The following KCNJ6 variants were observed in gnomAD, a reference collection of about 807,000 sequenced individuals.
The protein encoded by KCNJ6 is potassium inwardly rectifying channel subfamily J member 6, also known as G protein-activated inward rectifier potassium channel 2.
In KCNJ6, 9 loss-of-function variants were observed where a neutral mutation model predicts 34.2. That is an observed-to-expected ratio of 0.26 (90% confidence interval 0.16 to 0.46). The LOEUF is 0.46. Ranked by LOEUF, KCNJ6 falls within the 20% of genes least tolerant of loss-of-function variation. The probability of loss-of-function intolerance (pLI) is 1.00; values close to 1 mark genes in which losing one functional copy is unlikely to be tolerated. For missense variants in KCNJ6, 236 were observed against 531.3 expected (o/e 0.44, Z 5.46); for synonymous variants, 196 against 207.1 (o/e 0.95, Z 0.46).
At chr21:37,633,148 G>A (rs187738753) in intron 3 of KCNJ6, among the ~76,000 whole-genome samples, 10 of 152,218 alleles carry the variant, frequency 6.6e-5, no homozygotes, top group Admixed American at 3.3e-4. Context: ...CCATGATCAA[G>A]TTGGGTTTAT....
chr21:37,856,619 G>A (rs1432840348), intron 1 of KCNJ6, among the ~76,000 whole-genome samples: 2 of 152,160 alleles, frequency 1.3e-5, no homozygotes, highest in Non-Finnish European at 2.9e-5. Context: ...TAAATGGAGA[G>A]AGAGAGAGAG....
rs185551254 is a variant in KCNJ6 at position 37,835,361 on chromosome 21, A to G, written c.25+5297T>C. Among the ~76,000 whole-genome samples, 28 of 152,184 alleles carry G rather than the reference A, an allele frequency of 1.8e-4. No homozygotes were observed. In the East Asian group the frequency reaches 4.3e-3, roughly 23 times the overall value. On this transcript the variant is annotated intron_variant, in intron 2 of 3. Coordinates refer to ENST00000609713, the MANE Select transcript of KCNJ6 (RefSeq NM_002240.5). ...GTCCACTGCCTGTTCAACTCTTGCA[A>G]CTCCAACACCATGCACAAGACCAGA... is the stretch of plus-strand genomic sequence containing the variant.
intron 3 of KCNJ6, among the ~76,000 whole-genome samples, chr21:37,655,170 T>G (rs2054451935): frequency 7.1e-6 from 1 of 141,472 alleles, no homozygotes; most frequent in Non-Finnish European, 1.5e-5. Flanking sequence ...GCCTTCACAC[T>G]CTAGACATTT....
At chr21:37,829,981 G>A (rs747230695) in intron 2 of KCNJ6, among the ~76,000 whole-genome samples, 4 of 152,210 alleles carry the variant, frequency 2.6e-5, no homozygotes, top group Non-Finnish European at 4.4e-5. Flanking sequence ...CATGTTCTGG[G>A]AGAAAATGGC....
chr21:37,646,772 G>A (rs2054406483), intron 3 of KCNJ6, among the ~76,000 whole-genome samples: 1 of 151,692 alleles, frequency 6.6e-6, no homozygotes, highest in African/African-American at 2.4e-5. Flanking sequence ...CCGGGTTCAC[G>A]GCATTCTCCT....
At chr21:37,749,396 G>A (rs565997898) in intron 2 of KCNJ6, among the ~76,000 whole-genome samples, 24 of 152,276 alleles carry the variant, frequency 1.6e-4, no homozygotes, top group Admixed American at 2.6e-4. Flanking sequence ...CACACCCTCC[G>A]CTCGTGGACA....
intron 1 of KCNJ6, among the ~76,000 whole-genome samples, chr21:37,891,992 G>T (rs1429756829): frequency 3.3e-5 from 5 of 152,168 alleles, no homozygotes; most frequent in Non-Finnish European, 7.4e-5. Flanking sequence ...AGAAGACAAA[G>T]ATTTTCATGT....
chr21:37,649,573 G>A (rs1399831566), intron 3 of KCNJ6, among the ~76,000 whole-genome samples: 5 of 152,218 alleles, frequency 3.3e-5, no homozygotes, highest in South Asian at 2.1e-4. Context: ...CGGCACCACC[G>A]CGATGTAGCC....
intron 2 of KCNJ6, among the ~76,000 whole-genome samples, chr21:37,819,275 T>G (rs904005881): frequency 6.6e-6 from 1 of 152,184 alleles, no homozygotes; most frequent in Admixed American, 6.5e-5. Flanking sequence ...TCAGATCATG[T>G]GAGACAGAAA....
chr21:37,866,818 T>A (rs2055625067), intron 1 of KCNJ6, among the ~76,000 whole-genome samples: 1 of 152,118 alleles, frequency 6.6e-6, no homozygotes, highest in African/African-American at 2.4e-5. Context: ...GAAAGGAGGA[T>A]GGGAATGATG....
intron 1 of KCNJ6, among the ~76,000 whole-genome samples, chr21:37,896,862 G>A (rs2055790936): frequency 6.6e-6 from 1 of 152,204 alleles, no homozygotes; most frequent in Admixed American, 6.5e-5. Context: ...CAAGCTGACA[G>A]TGCCTGGAGC....
At chr21:37,789,586 C>T (rs1446774086) in intron 2 of KCNJ6, among the ~76,000 whole-genome samples, 1 of 152,180 alleles carries the variant, frequency 6.6e-6, no homozygotes, top group African/African-American at 2.4e-5. Flanking sequence ...GACTAATACA[C>T]CCTCTGAGAT....
chr21:37,901,482 G>A (rs2123645577), intron 1 of KCNJ6, among the ~76,000 whole-genome samples: 1 of 152,298 alleles, frequency 6.6e-6, no homozygotes, highest in South Asian at 2.1e-4. Flanking sequence ...CTACAGACAT[G>A]TTCAAACTCA....
At chr21:37,645,014 T>G (rs1429827833) in intron 3 of KCNJ6, among the ~76,000 whole-genome samples, 4 of 101,354 alleles carry the variant, frequency 3.9e-5, no homozygotes, top group Middle Eastern at 4.9e-3. Context: ...AGAAAACAGG[T>G]GGGTTTTTTT....
Position 37,652,909 on chromosome 21 carries a change from A to T in KCNJ6, c.947-27425T>A, listed in dbSNP as rs557347150. Among the ~76,000 whole-genome samples the T allele has an allele frequency of 1.2e-4, 18 of 152,296 alleles. 1 individual carries two copies. Among genetic ancestry groups the T allele is most frequent in the Middle Eastern group, 6.8e-3 (2 of 294 alleles). ...TGTTTTCAATTTCCTGAGTAAGTCCATTTGCTGAGAGGGAATGAGTGGAGA... is the reference window on the plus strand; with the variant it reads ...TGTTTTCAATTTCCTGAGTAAGTCCTTTTGCTGAGAGGGAATGAGTGGAGA... On this transcript the variant is annotated intron_variant, in intron 3 of 3. Coordinates refer to ENST00000609713, the MANE Select transcript of KCNJ6 (RefSeq NM_002240.5).
chr21:37,743,814 C>A (rs1386443904), intron 2 of KCNJ6, among the ~76,000 whole-genome samples: 1 of 151,962 alleles, frequency 6.6e-6, no homozygotes, highest in Non-Finnish European at 1.5e-5. Context: ...CACCTACTTT[C>A]CATGGGGAAA....
chr21:37,652,025 A>G (rs2054436119), intron 3 of KCNJ6, among the ~76,000 whole-genome samples: 1 of 152,210 alleles, frequency 6.6e-6, no homozygotes, highest in South Asian at 2.1e-4. Flanking sequence ...ATGTTGTGGA[A>G]CGTCAATGAG....
intron 3 of KCNJ6, among the ~76,000 whole-genome samples, chr21:37,632,875 G>T (rs2054340032): frequency 6.6e-6 from 1 of 151,920 alleles, no homozygotes; most frequent in African/African-American, 2.4e-5. Context: ...AAATTACAAA[G>T]CCCAGACAAT....
At chr21:37,881,729 C>A (rs1324335942) in intron 1 of KCNJ6, among the ~76,000 whole-genome samples, 2 of 152,292 alleles carry the variant, frequency 1.3e-5, no homozygotes, top group Admixed American at 1.3e-4. Flanking sequence ...ATGGGCCCCA[C>A]CTTCATTACC....
Sources: allele counts gnomAD v4.1 joint callset (sites outside exome capture counted in the v4.1 genomes callset), GRCh38; gene constraint gnomAD v4.1.1; transcripts MANE v1.5; gene names NCBI Gene and HGNC (gene_info 2026-07-23, HGNC 2026-07-21).